The following FBXO41 variants were observed in gnomAD, a reference collection of about 807,000 sequenced individuals.
FBXO41 encodes the protein F-box only protein 41.
In FBXO41, 33 loss-of-function variants were observed where a neutral mutation model predicts 81.6. The observed-to-expected ratio is 0.40, with a 90% confidence interval of 0.31 to 0.54. FBXO41 has a LOEUF of 0.54. Among genes scored for constraint, FBXO41 ranks in the 20% least tolerant of loss-of-function variants. The pLI is 0.39. For missense variants in FBXO41, 1,107 were observed against 1,236.0 expected (o/e 0.90, Z 1.56); for synonymous variants, 576 against 552.7 (o/e 1.04, Z -0.59).
chr2:73,263,891 G>C, intron 7 of FBXO41, 47 bp downstream of exon 7: 1 of 1,613,914 alleles, frequency 6.2e-7, no homozygotes, highest in Non-Finnish European at 8.5e-7. Flanking sequence ...CTTAATTCCA[G>C]GTCTGTGGCC....
In FBXO41 at chr2:73,266,485, C is replaced by T. The variant is rs562151414; in HGVS notation, c.1103G>A (p.Gly368Glu). 1.3e-5 allele frequency: 21 copies of T among 1,565,954 alleles called. No homozygotes were observed. The South Asian group carries it at 2.2e-4, about 16-fold the overall frequency. The change falls in exon 3 of 13, where the codon GGA becomes GAA. Residue 368 changes from glycine (G) to glutamate (E), a missense_variant. Transcript: ENST00000520530. The surrounding 1 kb of genome is among the most constrained non-coding windows in gnomAD (Gnocchi z 5.3). Reference protein sequence around the residue: ...LGRGGGGGGAGPNARGPGRMR... With the variant: ...LGRGGGGGGAEPNARGPGRMR... ...TCTGCCTGGGCCCCGGGCATTGGGT[C>T]CAGCACCACCGCCCCCACCTCCACG...
At chr2:73,263,381 A>G (rs894360083) in intron 8 of FBXO41, 73 bp from the exon 9 acceptor site, 4 of 1,212,664 alleles carry the variant, frequency 3.3e-6, no homozygotes, top group Non-Finnish European at 3.4e-6. Flanking sequence ...TTGGGAGGTC[A>G]AGGCCGAGGT....
chr2:73,269,471 C>T lies in FBXO41; in HGVS notation c.160G>A (p.Ala54Thr), dbSNP rs936828793. ...TNSICDGAAA[A>T]AAAAAAASGF... Reference sequence around the variant, plus strand: ...GAGGCAGCGGCGGCGGCGGCCGCGGCGGCGGCGGCGCCGTCGCAGATGCTG... The same window carrying T: ...GAGGCAGCGGCGGCGGCGGCCGCGGTGGCGGCGGCGCCGTCGCAGATGCTG... The change falls in exon 2 of 13, where the codon GCC (alanine) becomes ACC (threonine). Residue 54 changes from alanine to threonine, a missense_variant. Physicochemically the swap from Ala to Thr is moderately conservative, Grantham distance 58. Transcript: ENST00000520530. The surrounding 1 kb of genome is among the most constrained non-coding windows in gnomAD (Gnocchi z 7.0). 3.9e-6 allele frequency: 5 copies of T among 1,268,858 alleles called. No homozygotes were observed. Among genetic ancestry groups the T allele is most frequent in the Admixed American group, 3.9e-5 (1 of 25,708 alleles). 78.6% of individuals were successfully genotyped at this position (1,268,858 alleles called of 1,614,324 possible). A position where few individuals can be genotyped will look rare whatever the true frequency, so the allele number is the denominator to read the frequency against.
rs143088343 is a variant in FBXO41, at chr2:73,263,512, G to A, written c.2075+166C>T. Among the ~76,000 whole-genome samples, 9 of 152,014 alleles carry A rather than the reference G, an allele frequency of 5.9e-5. No homozygotes were observed. In the East Asian group the frequency reaches 1.2e-3, roughly 20 times the overall value. On this transcript the variant is annotated intron_variant, in intron 8 of 12. Coordinates refer to ENST00000520530, the MANE Select transcript of FBXO41 (RefSeq NM_001371389.2). ...AAATATACAAGACAAAGCTGGAGTCGCCCACAGTGGTGGCCTCTGCTCTTG... is the reference window on the plus strand; with the variant it reads ...AAATATACAAGACAAAGCTGGAGTCACCCACAGTGGTGGCCTCTGCTCTTG...
rs1687853648 is a variant in FBXO41 at position 73,257,373 on chromosome 2, G to A, written c.*1609C>T. The A allele has an allele frequency of 1.3e-5, 2 of 152,306 alleles. No homozygotes were observed. The highest frequency in any genetic ancestry group is 1.3e-4 in the Admixed American group (2 of 15,286). The allele number at this position is 152,306 out of a possible 1,614,324, so 9.4% of individuals were successfully genotyped here. The stretch of plus-strand genomic sequence containing the variant: ...TAGGGAGTGACGCCATGGGAGCTGG[G>A]TGTGCTGCTGCGCCCATGGGATCCC... On this transcript the variant is annotated 3_prime_UTR_variant, in exon 13 of 13. Transcript: ENST00000520530. The surrounding 1 kb of genome is among the most constrained non-coding windows in gnomAD (Gnocchi z 4.6).
intron 1 of FBXO41, among the ~76,000 whole-genome samples, chr2:73,278,206 C>A (rs887780946): frequency 6.6e-6 from 1 of 152,178 alleles, no homozygotes; most frequent in East Asian, 1.9e-4. Context: ...TGGTGGGGAA[C>A]AAGGTGGCAA....
chr2:73,282,810 C>T (rs1197522305), intron 1 of FBXO41, among the ~76,000 whole-genome samples: 6 of 152,224 alleles, frequency 3.9e-5, no homozygotes, highest in Non-Finnish European at 7.3e-5. Context: ...GTGTCTGTCT[C>T]TTTCTCTGTT....
rs1357551653 is a variant in FBXO41, at chr2:73,260,761, C to T, written c.2269G>A (p.Val757Met). The change falls in exon 10 of 13, where the codon GTG (valine) becomes ATG (methionine). Residue 757 changes from valine (V) to methionine (M), a missense_variant. Physicochemically the swap from Val to Met is conservative, Grantham distance 21. This residue lies in a region of FBXO41 where 336 missense variants were observed against 446.7 expected (regional missense o/e 0.75). Transcript: ENST00000520530. The surrounding 1 kb of genome is among the most constrained non-coding windows in gnomAD (Gnocchi z 5.0). ...ALGVGGAGCG[V>M]QGLASLARNC... ...TCACCGAGTGATGCCAGGCCCTGCACCCCACAGCCGGCACCCCCGACCCCC... is the reference window on the plus strand; with the variant it reads ...TCACCGAGTGATGCCAGGCCCTGCATCCCACAGCCGGCACCCCCGACCCCC... 1.0e-5 allele frequency: 16 copies of T among 1,554,840 alleles called. No homozygotes were observed. Among genetic ancestry groups the T allele is most frequent in the African/African-American group, 1.4e-5 (1 of 73,460 alleles).
At chr2:73,276,603 AG>A (rs1491107732) in intron 1 of FBXO41, among the ~76,000 whole-genome samples, 7 of 83,802 alleles carry the variant, frequency 8.4e-5, no homozygotes, top group African/African-American at 2.6e-4. Flanking sequence ...AGAGAGAGAG[AG>A]GGAGAGAGGG....
rs35503109 is a variant in FBXO41, at chr2:73,261,061, C to CTT, written c.2172-205_2172-204dup. ...CTGCAGATTCTGATTCCCAAGCACT[C>CTT]TTTTTTTTTTTTTGAGACAGGGTCT... On this transcript the variant is annotated intron_variant, in intron 9 of 12. Coordinates refer to ENST00000520530, the MANE Select transcript of FBXO41 (RefSeq NM_001371389.2). Among the ~76,000 whole-genome samples the CTT allele has an allele frequency of 6.0e-4, 88 of 145,468 alleles. 1 individual carries two copies. The highest frequency in any genetic ancestry group is 1.4e-3 in the Admixed American group (20 of 14,612).
rs894210453 is a variant in FBXO41, at chr2:73,256,928, C to A, written c.*2054G>T. ...AGAAAATCCTTCAGTTGGGCAGGCT[C>A]AAGCCAAGCAGGGCATCCCTTTGTG... is the stretch of plus-strand genomic sequence containing the variant. On this transcript the variant is annotated 3_prime_UTR_variant, in exon 13 of 13. Coordinates refer to ENST00000520530, the MANE Select transcript of FBXO41 (RefSeq NM_001371389.2). 6.5e-6 allele frequency: 1 copy of A among 152,996 alleles called. No homozygotes were observed. The highest frequency in any genetic ancestry group is 1.5e-5 in the Non-Finnish European group (1 of 68,344). The allele number at this position is 152,996 out of a possible 1,614,324, so 9.5% of individuals were successfully genotyped here.
rs1688232827 is a variant in FBXO41 at position 73,265,660 on chromosome 2, A to G, written c.1206-20T>C. The G allele has an allele frequency of 6.7e-7, 1 of 1,487,874 alleles. No homozygotes were observed. The highest frequency in any genetic ancestry group is 2.4e-5 in the Admixed American group (1 of 42,130). 92.2% of individuals were successfully genotyped at this position (1,487,874 alleles called of 1,614,324 possible). A position where few individuals can be genotyped will look rare whatever the true frequency, so the allele number is the denominator to read the frequency against. ...GAGGCCCTGGGGCAGGGTGGACCAC[A>G]CAGTAAGGGGTAAGAGGCACCAGGC... On this transcript the variant is annotated intron_variant, in intron 4 of 12. Transcript: ENST00000520530.
Position 73,260,615 on chromosome 2 carries a change from G to A in FBXO41, c.2291-68C>T. 1 of 1,544,860 alleles carries A rather than the reference G, an allele frequency of 6.5e-7. No homozygotes were observed. Among genetic ancestry groups the A allele is most frequent in the Admixed American group, 2.0e-5 (1 of 50,874 alleles). ...GGTCACCCCTGCAGCCAGCACCCTG[G>A]CTACCACCCTGCCACCTGCCACCAC... On this transcript the variant is annotated intron_variant, in intron 10 of 12. Coordinates refer to ENST00000520530, the MANE Select transcript of FBXO41 (RefSeq NM_001371389.2). The surrounding 1 kb of genome is among the most constrained non-coding windows in gnomAD (Gnocchi z 5.0).
At position 73,269,851 on chromosome 2, in the gene FBXO41, C is replaced by G. The variant is rs1046488611; in HGVS notation, c.-138-83G>C. 4 of 205,610 alleles carry G rather than the reference C, an allele frequency of 1.9e-5. No individual in the cohort carries two copies. The highest frequency in any genetic ancestry group is 3.8e-5 in the Non-Finnish European group (4 of 105,264). 12.7% of individuals were successfully genotyped at this position (205,610 alleles called of 1,614,324 possible). ...CAGCCCGGAGCCCTCATCCCCCAGC[C>G]ATGAGGAAATCAGCATTGAGGGGCA... On this transcript the variant is annotated intron_variant, in intron 1 of 12. Transcript: ENST00000520530. This position sits in a 1 kb window ranked among gnomAD's most constrained non-coding sequence, Gnocchi z 7.0.
chr2:73,277,016 C>G (rs543137374), intron 1 of FBXO41, among the ~76,000 whole-genome samples: 71 of 152,308 alleles, frequency 4.7e-4, no homozygotes, highest in African/African-American at 1.7e-3. Flanking sequence ...CCAGAAGTAG[C>G]CAGCCTTCTC....
In FBXO41 at chr2:73,254,836, T is replaced by G. The variant is rs1285302870; in HGVS notation, c.*4146A>C. ...AGCAAAGTGCTGGGATGGCGATGCC[T>G]GGGTGGGGCAGAGAAGTGTGGCCAG... is the stretch of plus-strand genomic sequence containing the variant. On this transcript the variant is annotated 3_prime_UTR_variant, in exon 13 of 13. Coordinates refer to ENST00000520530, the MANE Select transcript of FBXO41 (RefSeq NM_001371389.2). 11 of 152,680 alleles carry G rather than the reference T, an allele frequency of 7.2e-5. No individual in the cohort carries two copies. The highest frequency in any genetic ancestry group is 2.7e-4 in the African/African-American group (11 of 41,460). The allele number at this position is 152,680 out of a possible 1,614,324, so 9.5% of individuals were successfully genotyped here.
At position 73,266,430 on chromosome 2, in the gene FBXO41, G is replaced by A. The variant is rs1385791354; in HGVS notation, c.1131+27C>T. On this transcript the variant is annotated intron_variant, in intron 3 of 12. Transcript: ENST00000520530. The surrounding 1 kb of genome is among the most constrained non-coding windows in gnomAD (Gnocchi z 5.3). Reference sequence around the variant, plus strand: ...TTGTGGGGGGCCAGGTGTGCAGGTAGAGGAGGGAAGGCAGGTGGGCACTCA... The same window carrying A: ...TTGTGGGGGGCCAGGTGTGCAGGTAAAGGAGGGAAGGCAGGTGGGCACTCA... 3 of 1,465,470 alleles carry A rather than the reference G, an allele frequency of 2.0e-6. No individual in the cohort carries two copies. The highest frequency in any genetic ancestry group is 2.7e-6 in the Non-Finnish European group (3 of 1,100,186). 90.8% of individuals were successfully genotyped at this position (1,465,470 alleles called of 1,614,324 possible). A position where few individuals can be genotyped will look rare whatever the true frequency, so the allele number is the denominator to read the frequency against.
At chr2:73,280,864 G>A (rs545244519) in intron 1 of FBXO41, among the ~76,000 whole-genome samples, 673 of 152,364 alleles carry the variant, frequency 4.4e-3, no homozygotes, top group Admixed American at 8.8e-3. Context: ...ATATCAGTAT[G>A]TTGTTAGAGG....
chr2:73,264,346 G>T lies in FBXO41; in HGVS notation c.1738C>A (p.Arg580Ser). The change falls in exon 6 of 13, where the codon CGC becomes AGC. Residue 580 changes from arginine (R) to serine (S), a missense_variant. This residue lies in a region of FBXO41 where 336 missense variants were observed against 446.7 expected (regional missense o/e 0.75). Transcript: ENST00000520530. The part of the protein sequence containing the change: ...LHAAEVCRDW[R>S]FVARHPAVWT... ...ACTGCGGGGTGGCGGGCCACGAAGC[G>T]CCAGTCCCGGCAGACCTCGGCAGCA... is the stretch of plus-strand genomic sequence containing the variant. 1 of 1,613,704 alleles carries T rather than the reference G, an allele frequency of 6.2e-7. No individual in the cohort carries two copies. The highest frequency in any genetic ancestry group is 8.5e-7 in the Non-Finnish European group (1 of 1,179,892).
Sources: allele counts gnomAD v4.1 joint callset (sites outside exome capture counted in the v4.1 genomes callset), GRCh38; gene constraint gnomAD v4.1.1; regional missense constraint gnomAD v4.1.1; non-coding constraint Gnocchi (gnomAD v3.1); transcripts MANE v1.5; gene names NCBI Gene and HGNC (gene_info 2026-07-23, HGNC 2026-07-21).